Variants in RCL1 observed in about 807,000 individuals in gnomAD.
The protein encoded by RCL1 is RNA terminal phosphate cyclase like 1.
A neutral mutation model predicts 42.4 loss-of-function variants in RCL1; 24 were observed. That is an observed-to-expected ratio of 0.57 (90% confidence interval 0.41 to 0.80). The LOEUF (loss-of-function observed/expected upper bound fraction) is 0.80, where lower values mean the gene tolerates loss of function less well. RCL1 is among the 30% of genes least tolerant of loss of function. The pLI, the probability that RCL1 is intolerant of heterozygous loss-of-function variation, is 0.00. For missense variants in RCL1, 578 were observed against 467.9 expected (o/e 1.24, Z -2.17); for synonymous variants, 228 against 177.3 (o/e 1.29, Z -2.27).
chr9:4,826,370 C>T (rs1389000012), intron 2 of RCL1, among the ~76,000 whole-genome samples: 1 of 152,212 alleles, frequency 6.6e-6, no homozygotes, highest in Non-Finnish European at 1.5e-5. Flanking sequence ...AAAAGACCTA[C>T]TATTAATGGC....
intron 7 of RCL1, among the ~76,000 whole-genome samples, 188 bp downstream of exon 7, chr9:4,844,869 A>G (rs1330857576): frequency 1.3e-5 from 2 of 152,222 alleles, no homozygotes; most frequent in Admixed American, 6.5e-5. Flanking sequence ...GTAGAGATCT[A>G]GCCCCACTGG....
At position 4,832,953 on chromosome 9, in the gene RCL1, C is replaced by T. The variant is rs149440568; in HGVS notation, c.385-201C>T. 2.1e-3 allele frequency among the ~76,000 whole-genome samples: 324 copies of T among 152,100 alleles called. 1 individual carries two copies. Among genetic ancestry groups the T allele is most frequent in the Non-Finnish European group, 2.5e-3 (169 of 68,008 alleles). ...CTCCATGTCATGAATGAGGAAAGTG[C>T]GGCTCAGAGAAGCCCAGTGGCCTGT... On this transcript the variant is annotated intron_variant, in intron 3 of 8. Coordinates refer to ENST00000381750, the MANE Select transcript of RCL1 (RefSeq NM_005772.5).
intron 1 of RCL1, among the ~76,000 whole-genome samples, chr9:4,799,920 A>G (rs983177861): frequency 6.6e-6 from 1 of 152,148 alleles, no homozygotes; most frequent in Non-Finnish European, 1.5e-5. Flanking sequence ...TATCATCAAA[A>G]GTTGATATGG....
At chr9:4,853,802 T>G (rs1817841043) in intron 8 of RCL1, among the ~76,000 whole-genome samples, 1 of 152,206 alleles carries the variant, frequency 6.6e-6, no homozygotes. Context: ...ACTTTTTTTT[T>G]TCTAACTTTA....
chr9:4,805,895 C>T (rs1466306619), intron 1 of RCL1, among the ~76,000 whole-genome samples: 1 of 152,104 alleles, frequency 6.6e-6, no homozygotes, highest in Admixed American at 6.5e-5. Context: ...CATACAAGTA[C>T]AGTACATGTT....
chr9:4,796,182 T>C (rs539796774), intron 1 of RCL1, among the ~76,000 whole-genome samples: 1 of 152,276 alleles, frequency 6.6e-6, no homozygotes, highest in African/African-American at 2.4e-5. Flanking sequence ...GGTGTACCCA[T>C]TATCCAAATA....
At position 4,844,641 on chromosome 9, in the gene RCL1, G is replaced by T; in HGVS notation, c.827G>T (p.Gly276Val). 1 of 1,613,856 alleles carries T rather than the reference G, an allele frequency of 6.2e-7. No homozygotes were observed. Among genetic ancestry groups the T allele is most frequent in the South Asian group, 1.1e-5 (1 of 91,016 alleles). The change falls in exon 7 of 9, where the codon GGC becomes GTC. Residue 276 changes from glycine to valine, a missense_variant. Transcript: ENST00000381750. ...QGAAVLPEDL[G>V]RNCARLLLEE... ...GCAGCAGTACTTCCAGAGGACCTTG[G>T]CAGGAACTGTGCCCGGCTGCTGCTG...
intron 6 of RCL1, among the ~76,000 whole-genome samples, chr9:4,842,805 A>G (rs1817378552): frequency 6.6e-6 from 1 of 152,214 alleles, no homozygotes; most frequent in Non-Finnish European, 1.5e-5. Flanking sequence ...GAGGACAGAT[A>G]GCAGCAGAAG....
At chr9:4,852,728 A>C (rs7870037) in intron 8 of RCL1, among the ~76,000 whole-genome samples, 59,135 of 150,326 alleles carry the variant, frequency 0.39, 12,241 homozygotes, top group African/African-American at 0.52. Context: ...CTGCCTGGAC[A>C]CCCCTTCACC....
At chr9:4,827,244 C>G in intron 3 of RCL1, 1 of 1,486,712 alleles carries the variant, frequency 6.7e-7, no homozygotes, top group South Asian at 1.4e-5. Flanking sequence ...TAACAGTTAC[C>G]AAGGTGCCTT....
In RCL1 at chr9:4,833,177, A is replaced by C. The variant is rs746401904; in HGVS notation, c.408A>C (p.Ala136=). 9.3e-6 allele frequency: 15 copies of C among 1,612,702 alleles called. No homozygotes were observed. The highest frequency in any genetic ancestry group is 1.1e-5 in the Non-Finnish European group (13 of 1,178,752). The change falls in exon 4 of 9, where the codon GCA becomes GCC. Residue 136 remains alanine, a synonymous_variant. Transcript: ENST00000381750. ...AGGTTGATGTTCTTAAGGCAACAGC[A>C]CTCCCTTTGTTGAAACAATTTGGGA... ...DPSVDVLKAT[A]LPLLKQFGID...
chr9:4,811,190 G>A (rs1465990060), intron 1 of RCL1, among the ~76,000 whole-genome samples: 1 of 151,524 alleles, frequency 6.6e-6, no homozygotes, highest in East Asian at 1.9e-4. Context: ...GCTGAGGTGG[G>A]AGGATCACTT....
At chr9:4,802,937 C>G (rs974938089) in intron 1 of RCL1, among the ~76,000 whole-genome samples, 1 of 152,038 alleles carries the variant, frequency 6.6e-6, no homozygotes, top group East Asian at 1.9e-4. Flanking sequence ...CCTCTTGCCT[C>G]AGCCTCCTGA....
At chr9:4,809,130 G>A (rs1432474290) in intron 1 of RCL1, among the ~76,000 whole-genome samples, 2 of 151,292 alleles carry the variant, frequency 1.3e-5, no homozygotes, top group African/African-American at 2.4e-5. Flanking sequence ...GCTACAGACT[G>A]TTCCATAATA....
intron 1 of RCL1, among the ~76,000 whole-genome samples, chr9:4,802,944 C>T (rs1843030333): frequency 6.6e-6 from 1 of 152,102 alleles, no homozygotes. Flanking sequence ...CCTCAGCCTC[C>T]TGAGTAGTTA....
chr9:4,833,354 A>C, intron 4 of RCL1, 126 bp downstream of exon 4: 7 of 718,276 alleles, frequency 9.7e-6, no homozygotes, highest in South Asian at 1.5e-5. Context: ...CAGAAGACTC[A>C]CAGGGCTCAT....
chr9:4,800,437 A>G (rs1842981234), intron 1 of RCL1, among the ~76,000 whole-genome samples: 1 of 151,604 alleles, frequency 6.6e-6, no homozygotes, highest in African/African-American at 2.4e-5. Context: ...CTGGTCTCGA[A>G]CTCCTGATCT....
At chr9:4,801,213 C>A (rs374596080) in intron 1 of RCL1, among the ~76,000 whole-genome samples, 11 of 152,218 alleles carry the variant, frequency 7.2e-5, no homozygotes, top group African/African-American at 2.6e-4. Context: ...GCTTTTTCAT[C>A]CAGGCTTGAG....
intron 8 of RCL1, among the ~76,000 whole-genome samples, chr9:4,853,630 T>G (rs933095435): frequency 6.6e-6 from 1 of 152,158 alleles, no homozygotes; most frequent in African/African-American, 2.4e-5. Flanking sequence ...CAACCCATTG[T>G]GCTCTTATGT....
Sources: gnomAD v4.1 joint callset for allele counts (sites outside exome capture counted in the v4.1 genomes callset) on GRCh38, gnomAD v4.1.1 for gene constraint, MANE v1.5 for transcripts, NCBI Gene and HGNC (gene_info 2026-07-23, HGNC 2026-07-21) for gene names.